Variants in C16orf87 observed in about 807,000 individuals in gnomAD.
C16orf87 encodes the protein UPF0547 protein C16orf87.
C16orf87 carries 13 observed loss-of-function variants against 21.0 expected under a neutral mutation model. The ratio of observed to expected loss-of-function variants is 0.62; its 90% CI spans 0.40 to 0.98. The LOEUF is 0.98. Among genes scored for constraint, C16orf87 ranks in the 50% least tolerant of loss-of-function variants. The probability of loss-of-function intolerance (pLI) is 0.00; values close to 1 mark genes in which losing one functional copy is unlikely to be tolerated. For missense variants in C16orf87, 113 were observed against 180.4 expected, an observed-to-expected ratio of 0.63 and a Z score of 2.14; for synonymous variants, 49 against 60.2, an observed-to-expected ratio of 0.81 and a Z score of 0.86.
At chr16:46,812,756 T>C (rs1053299474) in intron 2 of C16orf87, among the ~76,000 whole-genome samples, 1 of 152,136 alleles carries the variant, frequency 6.6e-6, no homozygotes, top group Non-Finnish European at 1.5e-5. Flanking sequence ...CAGTTTTTCA[T>C]CTCCCATTCA....
intron 2 of C16orf87, among the ~76,000 whole-genome samples, chr16:46,817,360 A>T (rs1968279833): frequency 6.6e-6 from 1 of 152,178 alleles, no homozygotes; most frequent in Non-Finnish European, 1.5e-5. Flanking sequence ...AAGTAAAAAC[A>T]TATGGGTAAA....
At position 46,797,339 on chromosome 16, in the gene C16orf87, GTC is replaced by G. The variant is rs1258578215; in HGVS notation, c.*5611_*5612del. ...AAGGAAAAAATACATTATCTGATGA[GTC>G]TTATTTTTTATTTTTATTTTTTGAG... is the stretch of plus-strand genomic sequence containing the variant. On this transcript the variant is annotated 3_prime_UTR_variant, in exon 4 of 4. Coordinates refer to ENST00000285697, the MANE Select transcript of C16orf87 (RefSeq NM_001001436.4). The G allele has an allele frequency of 6.6e-6, 1 of 152,048 alleles. No homozygotes were observed. The highest frequency in any genetic ancestry group is 2.4e-5 in the African/African-American group (1 of 41,400). The allele number at this position is 152,048 out of a possible 1,614,324, so 9.4% of individuals were successfully genotyped here.
intron 3 of C16orf87, among the ~76,000 whole-genome samples, chr16:46,808,869 T>C (rs1967999093): frequency 2.0e-5 from 3 of 152,046 alleles, no homozygotes; most frequent in Non-Finnish European, 4.4e-5. Flanking sequence ...AATTCATCTA[T>C]GCAAAAGCTG....
chr16:46,829,615 CAA>C (rs1215719857), intron 1 of C16orf87, among the ~76,000 whole-genome samples: 1 of 152,080 alleles, frequency 6.6e-6, no homozygotes, highest in Non-Finnish European at 1.5e-5. Context: ...TAATCTCCCG[CAA>C]AGAGTCATAT....
At position 46,800,006 on chromosome 16, in the gene C16orf87, T is replaced by A. The variant is rs1251027440; in HGVS notation, c.*2946A>T. ...CTAAATTTAAGACAAACATGCAGAT[T>A]GAAAGGCAAGCCAAAATTAAATATT... is the stretch of plus-strand genomic sequence containing the variant. On this transcript the variant is annotated 3_prime_UTR_variant, in exon 4 of 4. Transcript: ENST00000285697. 1 of 152,196 alleles carries A rather than the reference T, an allele frequency of 6.6e-6. No homozygotes were observed. The highest frequency in any genetic ancestry group is 1.5e-5 in the Non-Finnish European group (1 of 68,042). 9.4% of individuals were successfully genotyped at this position (152,196 alleles called of 1,614,324 possible).
chr16:46,803,422 T>C (rs1435266246), intron 3 of C16orf87, among the ~76,000 whole-genome samples: 1 of 152,234 alleles, frequency 6.6e-6, no homozygotes, highest in Non-Finnish European at 1.5e-5. Flanking sequence ...ACATCAATGG[T>C]GACTTTATGA....
At chr16:46,829,637 C>T (rs1342132670) in intron 1 of C16orf87, among the ~76,000 whole-genome samples, 1 of 152,122 alleles carries the variant, frequency 6.6e-6, no homozygotes, top group African/African-American at 2.4e-5. Flanking sequence ...TTGCAAAGTC[C>T]AGTTTTGTCA....
intron 2 of C16orf87, among the ~76,000 whole-genome samples, chr16:46,814,642 A>G (rs763195248): frequency 6.6e-6 from 1 of 152,184 alleles, no homozygotes; most frequent in Non-Finnish European, 1.5e-5. Flanking sequence ...CATTAAACTT[A>G]CCTACACTGA....
rs1967705049 is a variant in C16orf87 at position 46,799,205 on chromosome 16, G to A, written c.*3747C>T. On this transcript the variant is annotated 3_prime_UTR_variant, in exon 4 of 4. Transcript: ENST00000285697. ...TGTTAGGATAGTTATTAGTATAGTT[G>A]TAATCTTTGAGTAGTAAGTACTACT... The A allele has an allele frequency of 6.6e-6, 1 of 152,084 alleles. No homozygotes were observed. Among genetic ancestry groups the A allele is most frequent in the Admixed American group, 6.6e-5 (1 of 15,264 alleles). The allele number at this position is 152,084 out of a possible 1,614,324, so 9.4% of individuals were successfully genotyped here. A position where few individuals can be genotyped will look rare whatever the true frequency, so the allele number is the denominator to read the frequency against.
intron 3 of C16orf87, among the ~76,000 whole-genome samples, chr16:46,806,862 T>G (rs533280299): frequency 3.9e-5 from 6 of 152,332 alleles, no homozygotes; most frequent in Admixed American, 6.5e-5. Context: ...ATTTTTAAGT[T>G]AGGTTTTTTA....
intron 2 of C16orf87, among the ~76,000 whole-genome samples, chr16:46,817,939 A>AAAAAAAAC (rs1226959901): frequency 6.8e-6 from 1 of 147,634 alleles, no homozygotes; most frequent in African/African-American, 2.5e-5. Context: ...AAAAAAAAAA[A>AAAAAAAAC]CCACAAAAAT....
chr16:46,812,152 G>C (rs1814183297), intron 2 of C16orf87, among the ~76,000 whole-genome samples: 1 of 152,112 alleles, frequency 6.6e-6, no homozygotes, highest in African/African-American at 2.4e-5. Flanking sequence ...GCCAAGACAT[G>C]AGAATTGTTT....
intron 2 of C16orf87, among the ~76,000 whole-genome samples, chr16:46,817,036 T>C (rs1314422520): frequency 1.3e-5 from 2 of 152,226 alleles, no homozygotes; most frequent in Non-Finnish European, 2.9e-5. Flanking sequence ...TGCCTATCTT[T>C]ATCCTTCTTC....
intron 1 of C16orf87, among the ~76,000 whole-genome samples, chr16:46,828,290 T>C (rs1249356058): frequency 6.6e-6 from 1 of 152,184 alleles, no homozygotes; most frequent in Non-Finnish European, 1.5e-5. Flanking sequence ...TTATATTCTT[T>C]ACTACTGAAA....
intron 2 of C16orf87, among the ~76,000 whole-genome samples, chr16:46,823,675 TTACCAC>T (rs1959507687): frequency 6.6e-6 from 1 of 152,012 alleles, no homozygotes; most frequent in Non-Finnish European, 1.5e-5. Flanking sequence ...GCTGCAAATT[TTACCAC>T]CATTATGAGA....
At chr16:46,804,255 G>A (rs1967858648) in intron 3 of C16orf87, among the ~76,000 whole-genome samples, 1 of 152,122 alleles carries the variant, frequency 6.6e-6, no homozygotes, top group Non-Finnish European at 1.5e-5. Flanking sequence ...TGCTCTCTAG[G>A]CCTACTGCAA....
chr16:46,816,298 T>C (rs973841962), intron 2 of C16orf87, among the ~76,000 whole-genome samples: 8 of 152,152 alleles, frequency 5.3e-5, no homozygotes, highest in African/African-American at 1.7e-4. Context: ...AGTTCTGGAA[T>C]TGGATGGTAG....
intron 2 of C16orf87, among the ~76,000 whole-genome samples, chr16:46,821,580 AAAT>A (rs1456120474): frequency 6.6e-6 from 1 of 152,224 alleles, no homozygotes; most frequent in Non-Finnish European, 1.5e-5. Context: ...TCCAAATACA[AAAT>A]AATAATGAAT....
chr16:46,821,393 A>T (rs1959409467), intron 2 of C16orf87, among the ~76,000 whole-genome samples: 1 of 152,002 alleles, frequency 6.6e-6, no homozygotes, highest in South Asian at 2.1e-4. Context: ...CTCTCCCTAA[A>T]ATCTTTTCCT....
Sources: gnomAD v4.1 joint callset for allele counts (sites outside exome capture counted in the v4.1 genomes callset) on GRCh38, gnomAD v4.1.1 for gene constraint, MANE v1.5 for transcripts, NCBI Gene and HGNC (gene_info 2026-07-23, HGNC 2026-07-21) for gene names.